OR51B5: variants seen among roughly 807,000 people sequenced by gnomAD.
The protein encoded by OR51B5 is olfactory receptor 51B5.
For missense variants in OR51B5, 456 were observed against 374.6 expected, an observed-to-expected ratio of 1.22 and a Z score of -1.79; for synonymous variants, 186 against 144.8, an observed-to-expected ratio of 1.28 and a Z score of -2.04.
intron 1 of OR51B5, among the ~76,000 whole-genome samples, chr11:5,442,719 T>C (rs1412214586): frequency 6.6e-6 from 1 of 152,182 alleles, no homozygotes; most frequent in East Asian, 1.9e-4. Flanking sequence ...GATTCAATCT[T>C]ACTTACATTA....
At chr11:5,343,614 T>G (rs957913989), upstream of OR51B5, 5 of 575,352 alleles carry the variant, frequency 8.7e-6, no homozygotes, top group Admixed American at 1.7e-4. Context: ...GACTATATCA[T>G]TCTCAGAATT....
chr11:5,456,042 T>G (rs1391753531), intron 1 of OR51B5: 2 of 152,196 alleles, frequency 1.3e-5, no homozygotes, highest in Non-Finnish European at 2.9e-5. Flanking sequence ...AATAATAATT[T>G]TAATGCTTTG....
intron 1 of OR51B5, among the ~76,000 whole-genome samples, chr11:5,415,711 C>T (rs1201275505): frequency 3.3e-5 from 5 of 151,936 alleles, no homozygotes; most frequent in South Asian, 4.2e-4. Context: ...ATACACTCTG[C>T]CAAGACTAAA....
At chr11:5,342,535 C>T, downstream of OR51B5, 2 of 1,521,074 alleles carry the variant, frequency 1.3e-6, no homozygotes, top group Non-Finnish European at 1.8e-6. Flanking sequence ...TGCTCTCCTG[C>T]TAAATATTAG....
At position 5,422,198 on chromosome 11, in the gene OR51B5, G is replaced by A. The variant is rs773669597; in HGVS notation, n.85-75288C>T. The A allele has an allele frequency of 2.5e-6, 4 of 1,600,322 alleles. No individual in the cohort carries two copies. The South Asian group carries it at 4.5e-5, about 18-fold the overall frequency. Reference sequence around the variant, plus strand: ...CCTGAATCTGAAGACACATTCATCAGTCATGTCCCAGGTGACTAACACCAC... The same window carrying A: ...CCTGAATCTGAAGACACATTCATCAATCATGTCCCAGGTGACTAACACCAC... On this transcript the variant is annotated intron_variant and non_coding_transcript_variant, in intron 1 of 4. Coordinates refer to the OR51B5 transcript ENST00000415970.
At chr11:5,415,643 A>C (rs1476458329) in intron 1 of OR51B5, among the ~76,000 whole-genome samples, 1 of 152,202 alleles carries the variant, frequency 6.6e-6, no homozygotes, top group Non-Finnish European at 1.5e-5. Flanking sequence ...GAATACTACA[A>C]GCACCTCTAT....
At chr11:5,382,611 T>C (rs1191649912) in intron 1 of OR51B5, among the ~76,000 whole-genome samples, 2 of 152,206 alleles carry the variant, frequency 1.3e-5, no homozygotes, top group African/African-American at 2.4e-5. Context: ...CTGAAATTTT[T>C]CTGGTAGTGG....
rs775746646 is a variant in OR51B5 at position 5,474,156 on chromosome 11, G to A, written n.84+31413C>T. ...CATAAACTTACAACAATCTTCATAT[G>A]CATTATTTAATATTCAAAGCACCTA... On this transcript the variant is annotated intron_variant and non_coding_transcript_variant, in intron 1 of 4. Transcript: ENST00000415970. Among the ~76,000 whole-genome samples the A allele has an allele frequency of 9.2e-5, 14 of 152,026 alleles. No homozygotes were observed. The South Asian group carries it at 1.0e-3, about 11-fold the overall frequency.
At chr11:5,415,013 A>C (rs1028411993) in intron 1 of OR51B5, among the ~76,000 whole-genome samples, 17 of 152,136 alleles carry the variant, frequency 1.1e-4, no homozygotes, top group African/African-American at 3.6e-4. Context: ...AAAATTGACC[A>C]CATAGTTGGC....
intron 1 of OR51B5, among the ~76,000 whole-genome samples, chr11:5,387,974 A>G (rs1206855029): frequency 6.6e-6 from 1 of 152,146 alleles, no homozygotes; most frequent in African/African-American, 2.4e-5. Context: ...TGTAAAAGTA[A>G]TTGCAGTTCT....
At chr11:5,489,863 T>C (rs912912327) in intron 1 of OR51B5, 1 of 561,794 alleles carries the variant, frequency 1.8e-6, no homozygotes, top group Non-Finnish European at 3.1e-6. Flanking sequence ...TGGGGAACTC[T>C]GAATACCCCA....
At chr11:5,381,714 T>C (rs866596638) in intron 1 of OR51B5, among the ~76,000 whole-genome samples, 19 of 148,958 alleles carry the variant, frequency 1.3e-4, no homozygotes, top group African/African-American at 4.1e-4. Flanking sequence ...AGGACTATTT[T>C]GTGATATGAT....
intron 1 of OR51B5, among the ~76,000 whole-genome samples, chr11:5,366,093 G>T (rs1317075111): frequency 6.6e-6 from 1 of 152,164 alleles, no homozygotes; most frequent in Non-Finnish European, 1.5e-5. Context: ...TGAGGGGTAT[G>T]CTTACTTGTC....
chr11:5,480,634 C>G (rs999423464), intron 1 of OR51B5, among the ~76,000 whole-genome samples: 29 of 150,922 alleles, frequency 1.9e-4, no homozygotes, highest in African/African-American at 4.4e-4. Flanking sequence ...GAAAAAAAGA[C>G]AGAAGAATCA....
At position 5,342,751 on chromosome 11, in the gene OR51B5, CAG is replaced by C. The variant is rs1848916131; in HGVS notation, c.772_773del (p.Leu258AspfsTer33). On this transcript the variant is annotated frameshift_variant, in exon 1 of 1. Coordinates refer to ENST00000300773, the Ensembl canonical transcript of OR51B5. LOFTEE classifies it low-confidence loss of function (END_TRUNC). ...GAACCTGCTTTCCAAAACGATGAAT[CAG>C]AGACAATCCAATCACTGTGACATAA... 1 of 1,613,710 alleles carries C rather than the reference CAG, an allele frequency of 6.2e-7. No individual in the cohort carries two copies. Among genetic ancestry groups the C allele is most frequent in the South Asian group, 1.1e-5 (1 of 91,004 alleles).
chr11:5,389,530 C>G, intron 1 of OR51B5: 1 of 1,613,950 alleles, frequency 6.2e-7, no homozygotes, highest in Non-Finnish European at 8.5e-7. Flanking sequence ...TCCCCTTTTT[C>G]TTTATGTACA....
chr11:5,419,827 A>T (rs1236989411), intron 1 of OR51B5, among the ~76,000 whole-genome samples: 1 of 152,032 alleles, frequency 6.6e-6, no homozygotes, highest in Non-Finnish European at 1.5e-5. Context: ...TCCAAGGGTC[A>T]TTATTAGCAC....
chr11:5,400,883 C>T (rs115283053), intron 1 of OR51B5, among the ~76,000 whole-genome samples: 3 of 152,086 alleles, frequency 2.0e-5, no homozygotes, highest in African/African-American at 4.8e-5. Flanking sequence ...CCTGTTGATG[C>T]GTAAGTTCAG....
intron 1 of OR51B5, among the ~76,000 whole-genome samples, chr11:5,436,103 T>C (rs1850588783): frequency 6.6e-6 from 1 of 152,142 alleles, no homozygotes; most frequent in African/African-American, 2.4e-5. Context: ...TTAAACTGAC[T>C]GCATCACACG....
Sources: allele counts gnomAD v4.1 joint callset (sites outside exome capture counted in the v4.1 genomes callset), GRCh38; gene constraint gnomAD v4.1.1; transcripts MANE v1.5; gene names NCBI Gene and HGNC (gene_info 2026-07-23, HGNC 2026-07-21).